Variants in TMPRSS15 observed in about 807,000 individuals in gnomAD.
TMPRSS15 encodes the protein enteropeptidase.
In TMPRSS15, 128 loss-of-function variants were observed where a neutral mutation model predicts 125.3. That is an observed-to-expected ratio of 1.02 (90% CI 0.89 to 1.18). The LOEUF (loss-of-function observed/expected upper bound fraction) is 1.18. Among genes scored for constraint, TMPRSS15 ranks in the 50% most tolerant of loss-of-function variants. The pLI is 0.00. For missense variants in TMPRSS15, 1,283 were observed against 1,212.7 expected, an observed-to-expected ratio of 1.06 and a Z score of -0.86; for synonymous variants, 446 against 423.2, an observed-to-expected ratio of 1.05 and a Z score of -0.66.
At chr21:18,336,237 C>A (rs992981157) in intron 13 of TMPRSS15, among the ~76,000 whole-genome samples, 8 of 151,964 alleles carry the variant, frequency 5.3e-5, no homozygotes, top group African/African-American at 1.4e-4. Context: ...TATGGCAAAA[C>A]AAGAAATGAG....
chr21:18,376,085 C>T (rs2075838689), intron 5 of TMPRSS15, among the ~76,000 whole-genome samples: 2 of 152,118 alleles, frequency 1.3e-5, no homozygotes, highest in South Asian at 2.1e-4. Flanking sequence ...ATAGGAAAAG[C>T]AGAATCTTCA....
intron 23 of TMPRSS15, among the ~76,000 whole-genome samples, chr21:18,275,863 C>A (rs1079663): frequency 0.3 from 45,701 of 151,946 alleles, 8,678 homozygotes; most frequent in Non-Finnish European, 0.4. Flanking sequence ...GTCATGCATA[C>A]CCAGGTGAAG....
chr21:18,324,664 T>C (rs972003529), intron 16 of TMPRSS15, among the ~76,000 whole-genome samples: 2 of 152,114 alleles, frequency 1.3e-5, no homozygotes, highest in African/African-American at 4.8e-5. Flanking sequence ...GTGGTAACAT[T>C]TTGTGTTTTT....
Position 18,279,046 on chromosome 21 carries a change from A to G in TMPRSS15, c.2682T>C (p.Pro894=), listed in dbSNP as rs756314795. Residue 894 remains proline (P), a synonymous_variant, in exon 23 of 25, where the codon CCT becomes CCC. Coordinates refer to ENST00000284885, the MANE Select transcript of TMPRSS15 (RefSeq NM_002772.3). ...FKVNYTDYIQ[P]ICLPEENQVF... ...CTTGATTTTCTTCCGGTAAACAAAT[A>G]GGTTGTATGTAATCTGGAAAAACAA... The G allele has an allele frequency of 1.3e-6, 2 of 1,577,078 alleles. No homozygotes were observed. The highest frequency in any genetic ancestry group is 1.4e-5 in the African/African-American group (1 of 73,998).
chr21:18,290,985 T>C (rs1317960746), intron 21 of TMPRSS15, among the ~76,000 whole-genome samples: 1 of 152,214 alleles, frequency 6.6e-6, no homozygotes, highest in Non-Finnish European at 1.5e-5. Flanking sequence ...AATATAAAAA[T>C]TTCATAAAAT....
chr21:18,375,067 T>C (rs1182542790), intron 5 of TMPRSS15, among the ~76,000 whole-genome samples: 1 of 152,232 alleles, frequency 6.6e-6, no homozygotes. Context: ...TATTAGGTAT[T>C]GTTTTAAGTT....
chr21:18,448,245 T>C (rs2076259676), intron 1 of TMPRSS15, among the ~76,000 whole-genome samples: 2 of 152,234 alleles, frequency 1.3e-5, no homozygotes, highest in Admixed American at 1.3e-4. Context: ...TTGAGAATAC[T>C]GGTTATGCAT....
chr21:18,293,314 G>A (rs79112238), intron 21 of TMPRSS15, among the ~76,000 whole-genome samples: 1 of 151,988 alleles, frequency 6.6e-6, no homozygotes, highest in Non-Finnish European at 1.5e-5. Flanking sequence ...GTCCATGCCC[G>A]GTTCTTTCCT....
In TMPRSS15 at chr21:18,313,057, T is replaced by A; in HGVS notation, c.2053A>T (p.Thr685Ser). Reference protein sequence around the residue: ...ADCVRFFNGTTNNNGLVRFRI... With the variant: ...ADCVRFFNGTSNNNGLVRFRI... ...AACCGCACTAAACCATTGTTGTTCG[T>A]TGTGCCATTGAAAAAACGCACTAAA... The change falls in exon 18 of 25, where the codon ACG (threonine) becomes TCG (serine). Residue 685 changes from threonine (T) to serine (S), a missense_variant. Transcript: ENST00000284885. 6.2e-7 allele frequency: 1 copy of A among 1,613,960 alleles called. No homozygotes were observed. Among genetic ancestry groups the A allele is most frequent in the Non-Finnish European group, 8.5e-7 (1 of 1,179,898 alleles).
intron 5 of TMPRSS15, among the ~76,000 whole-genome samples, chr21:18,377,799 GA>G (rs1342997726): frequency 6.6e-6 from 1 of 152,064 alleles, no homozygotes; most frequent in African/African-American, 2.4e-5. Context: ...CATCAGGAGA[GA>G]AAAATATGGG....
chr21:18,407,900 A>G (rs2076156595), upstream of TMPRSS15, among the ~76,000 whole-genome samples: 1 of 152,170 alleles, frequency 6.6e-6, no homozygotes, highest in African/African-American at 2.4e-5. Flanking sequence ...GAAGATCACT[A>G]ACTTAAAGAA....
intron 12 of TMPRSS15, among the ~76,000 whole-genome samples, chr21:18,343,233 A>G (rs2075466933): frequency 6.6e-6 from 1 of 152,188 alleles, no homozygotes; most frequent in Non-Finnish European, 1.5e-5. Context: ...TGCTGAAGGA[A>G]GCTGAAATAT....
chr21:18,358,706 T>C (rs2147019502), intron 8 of TMPRSS15, among the ~76,000 whole-genome samples: 1 of 152,166 alleles, frequency 6.6e-6, no homozygotes, highest in Middle Eastern at 3.4e-3. Context: ...TAATATATTA[T>C]ACCTCATTTT....
chr21:18,431,658 T>G (rs1461597741), intron 1 of TMPRSS15, among the ~76,000 whole-genome samples: 5 of 152,184 alleles, frequency 3.3e-5, no homozygotes, highest in Non-Finnish European at 7.4e-5. Context: ...CTAAAGCAAT[T>G]ATAATTAAAT....
chr21:18,329,368 A>G, intron 14 of TMPRSS15, 74 bp from the exon 15 acceptor site: 2 of 1,433,436 alleles, frequency 1.4e-6, no homozygotes, highest in Non-Finnish European at 1.9e-6. Context: ...TCTCTTGAGA[A>G]TTTCAAATAA....
chr21:18,288,049 C>T (rs572903777), intron 21 of TMPRSS15, among the ~76,000 whole-genome samples: 2 of 152,070 alleles, frequency 1.3e-5, no homozygotes, highest in Non-Finnish European at 2.9e-5. Context: ...TTTATAACAG[C>T]ACTATTCACA....
chr21:18,307,216 T>A (rs940875238), intron 18 of TMPRSS15, among the ~76,000 whole-genome samples: 4 of 152,222 alleles, frequency 2.6e-5, no homozygotes, highest in African/African-American at 9.6e-5. Context: ...TTAAAGTCTT[T>A]GCAGAGATTA....
upstream of TMPRSS15, among the ~76,000 whole-genome samples, chr21:18,407,849 T>C (rs2076156401): frequency 6.6e-6 from 1 of 152,152 alleles, no homozygotes; most frequent in African/African-American, 2.4e-5. Context: ...TGAATACATA[T>C]TTGGGATGGC....
In TMPRSS15 at chr21:18,415,892, A is replaced by G. The variant is rs562557623; in HGVS notation, c.11-17563T>C. On this transcript the variant is annotated intron_variant, in intron 1 of 7. Transcript: ENST00000422787. ...TTGTAGATGACATCATCTTGTGTGT[A>G]GAGAACCCTAAAACTCCACCTACAC... Among the ~76,000 whole-genome samples the G allele has an allele frequency of 5.3e-5, 8 of 152,198 alleles. No individual in the cohort carries two copies. In the East Asian group the frequency reaches 9.6e-4, roughly 18 times the overall value.
Sources: gnomAD v4.1 joint callset for allele counts (sites outside exome capture counted in the v4.1 genomes callset) on GRCh38, gnomAD v4.1.1 for gene constraint, MANE v1.5 for transcripts, NCBI Gene and HGNC (gene_info 2026-07-23, HGNC 2026-07-21) for gene names.